SPMIP2: variants seen among roughly 807,000 people sequenced by gnomAD.
The protein encoded by SPMIP2 is protein SPMIP2.
At chr4:159,013,026 C>T in the SPMIP2 span, among the ~76,000 whole-genome samples, 687 of 152,328 alleles carry the variant, frequency 4.5e-3, 8 homozygotes, top group African/African-American at 0.015. Flanking sequence ...AACAGTCCCA[C>T]GTCTACGATC....
chr4:158,925,957 C>A, the SPMIP2 span, among the ~76,000 whole-genome samples: 1 of 152,118 alleles, frequency 6.6e-6, no homozygotes. Context: ...GTGGAAGGGT[C>A]TCTCTCAAGC....
At chr4:158,988,750 C>A in the SPMIP2 span, among the ~76,000 whole-genome samples, 2 of 151,942 alleles carry the variant, frequency 1.3e-5, no homozygotes, top group Non-Finnish European at 2.9e-5. Flanking sequence ...AAAATGAGAG[C>A]TATTTATGAC....
chr4:158,987,435 T>A, the SPMIP2 span, among the ~76,000 whole-genome samples: 48,673 of 151,896 alleles, frequency 0.32, 7,926 homozygotes, highest in South Asian at 0.36. Context: ...ATATACACCA[T>A]GGAATACTAT....
the SPMIP2 span, among the ~76,000 whole-genome samples, chr4:158,964,209 T>C: frequency 6.7e-6 from 1 of 149,140 alleles, no homozygotes; most frequent in Non-Finnish European, 1.5e-5. Flanking sequence ...GGAGGGATCA[T>C]GGAGTGAGGT....
the SPMIP2 span, among the ~76,000 whole-genome samples, chr4:158,963,839 G>A: frequency 6.6e-6 from 1 of 152,144 alleles, no homozygotes; most frequent in South Asian, 2.1e-4. Context: ...TTTGACAGGA[G>A]GGAGACTCTC....
chr4:158,906,297 C>A, the SPMIP2 span: 1 of 152,192 alleles, frequency 6.6e-6, no homozygotes, highest in Non-Finnish European at 1.5e-5. Flanking sequence ...ACTGTCAGAG[C>A]TGATGTTACA....
the SPMIP2 span, among the ~76,000 whole-genome samples, chr4:159,034,778 C>T: frequency 6.6e-6 from 1 of 152,102 alleles, no homozygotes; most frequent in East Asian, 1.9e-4. Context: ...GTAATCCCAG[C>T]TACTCAGGAA....
At chr4:158,997,228 T>C in the SPMIP2 span, among the ~76,000 whole-genome samples, 1 of 149,004 alleles carries the variant, frequency 6.7e-6, no homozygotes, top group African/African-American at 2.5e-5. Context: ...CTTGTGAATA[T>C]GGCTTTTTTT....
the SPMIP2 span, among the ~76,000 whole-genome samples, chr4:158,943,012 T>C: frequency 3.3e-5 from 5 of 152,190 alleles, no homozygotes; most frequent in Non-Finnish European, 5.9e-5. Context: ...TGTTTGAAAA[T>C]TGAATTAGAA....
chr4:158,964,672 T>C, the SPMIP2 span, among the ~76,000 whole-genome samples: 2 of 152,230 alleles, frequency 1.3e-5, no homozygotes, highest in Non-Finnish European at 2.9e-5. Context: ...AGTCATGTAT[T>C]AGTCCGTGTT....
the SPMIP2 span, among the ~76,000 whole-genome samples, chr4:159,031,923 TA>T: frequency 6.6e-6 from 1 of 152,146 alleles, no homozygotes; most frequent in Non-Finnish European, 1.5e-5. Context: ...AAAATGATTT[TA>T]AAAAATATTG....
chr4:158,901,440 C>T, the SPMIP2 span, among the ~76,000 whole-genome samples: 1 of 152,038 alleles, frequency 6.6e-6, no homozygotes, highest in African/African-American at 2.4e-5. Context: ...TCATTTCAAC[C>T]TCCGTGAATC....
chr4:159,038,328 T>C, the SPMIP2 span, among the ~76,000 whole-genome samples: 1 of 152,196 alleles, frequency 6.6e-6, no homozygotes, highest in African/African-American at 2.4e-5. Flanking sequence ...ACTTTCTAAT[T>C]TTTTTCAATA....
chr4:158,916,204 G>T, the SPMIP2 span, among the ~76,000 whole-genome samples: 1 of 152,136 alleles, frequency 6.6e-6, no homozygotes, highest in Non-Finnish European at 1.5e-5. Flanking sequence ...GCAGTAATAA[G>T]ATAAAGCCCC....
chr4:158,938,291 T>TCCC, the SPMIP2 span, among the ~76,000 whole-genome samples: 1 of 152,190 alleles, frequency 6.6e-6, no homozygotes, highest in East Asian at 1.9e-4. Context: ...AGTGTAAACA[T>TCCC]ATTTATTTTT....
At chr4:158,908,280 C>T in the SPMIP2 span, among the ~76,000 whole-genome samples, 1 of 152,234 alleles carries the variant, frequency 6.6e-6, no homozygotes, top group East Asian at 1.9e-4. Flanking sequence ...TGTGAGACAG[C>T]CCCATGGGAT....
the SPMIP2 span, among the ~76,000 whole-genome samples, chr4:158,984,599 A>G: frequency 6.6e-6 from 1 of 152,064 alleles, no homozygotes; most frequent in African/African-American, 2.4e-5. Context: ...ACAAAGACAC[A>G]ACATACCAGA....
the SPMIP2 span, among the ~76,000 whole-genome samples, chr4:159,081,614 G>A: frequency 3.9e-5 from 6 of 151,974 alleles, no homozygotes; most frequent in African/African-American, 1.4e-4. Flanking sequence ...CATGAGCCTA[G>A]GAGGTGGAGG....
the SPMIP2 span, among the ~76,000 whole-genome samples, chr4:158,985,585 G>C: frequency 6.6e-6 from 1 of 152,056 alleles, no homozygotes; most frequent in African/African-American, 2.4e-5. Flanking sequence ...ATTCAACAAT[G>C]CTTCATGCTA....
Sources: allele counts gnomAD v4.1 joint callset (sites outside exome capture counted in the v4.1 genomes callset), GRCh38; gene constraint gnomAD v4.1.1; transcripts MANE v1.5; gene names NCBI Gene and HGNC (gene_info 2026-07-23, HGNC 2026-07-21).